HPS4: variants seen among roughly 807,000 people sequenced by gnomAD.
HPS4 encodes the protein HPS4 biogenesis of lysosomal organelles complex 3 subunit 2.
Under a neutral mutation model 70.3 loss-of-function variants are expected in HPS4, and 44 were observed. That is an observed-to-expected ratio of 0.63 (90% CI 0.49 to 0.80). The LOEUF is 0.80. Ranked by LOEUF, HPS4 falls within the 30% of genes least tolerant of loss-of-function variation. The pLI is 0.00. For missense variants in HPS4, 873 were observed against 884.4 expected (o/e 0.99, Z 0.16); for synonymous variants, 377 against 355.9 (o/e 1.06, Z -0.67).
In HPS4 at chr22:26,464,373, G is replaced by A; in HGVS notation, c.1257C>T (p.Asp419=). The part of the protein sequence containing the change: ...SSSLEPTPPE[D]TAISSLRPPS... ...GAGGGCGCAAGCTGCTGATGGCTGT[G>A]TCCTCAGGAGGCGTGGGTTCCAGGC... Residue 419 remains aspartate, a synonymous_variant, in exon 11 of 14, where the codon GAC becomes GAT. Coordinates refer to ENST00000398145, the MANE Select transcript of HPS4 (RefSeq NM_022081.6). 1 of 1,614,228 alleles carries A rather than the reference G, an allele frequency of 6.2e-7. No homozygotes were observed. The highest frequency in any genetic ancestry group is 2.2e-5 in the East Asian group (1 of 44,884).
In HPS4 at chr22:26,463,936, C is replaced by G; in HGVS notation, c.1694G>C (p.Ser565Thr). 6.2e-7 allele frequency: 1 copy of G among 1,613,640 alleles called. No homozygotes were observed. The highest frequency in any genetic ancestry group is 8.5e-7 in the Non-Finnish European group (1 of 1,180,032). ...ACTCACCACTTCCTCTATGGCTGCG[C>G]TGTCTCCCAGCAGCGGCTCCTCAGC... The part of the protein sequence containing the change: ...LLAEEPLLGD[S>T]AAIEEVYHSS... Residue 565 changes from serine to threonine, a missense_variant, in exon 11 of 14, where the codon AGC becomes ACC. Ser to Thr is a moderately conservative substitution (Grantham distance 58). Transcript: ENST00000398145.
chr22:26,448,059 C>T (rs1042628608), downstream of HPS4, among the ~76,000 whole-genome samples: 9 of 152,194 alleles, frequency 5.9e-5, no homozygotes, highest in East Asian at 1.9e-4. Context: ...AGCTGCAGGG[C>T]GAGCTGGAAT....
intron 1 of HPS4, chr22:26,482,851 C>T (rs1334957341): frequency 6.6e-6 from 1 of 152,204 alleles, no homozygotes; most frequent in East Asian, 1.9e-4. Flanking sequence ...ATCTGCCTCC[C>T]ACTCGCTAGT....
At chr22:26,444,262 A>T (rs2084888643) in exon 4 of HPS4, 3 of 151,918 alleles carry the variant, frequency 2.0e-5, no homozygotes, top group Non-Finnish European at 2.9e-5. Context: ...CTGTACATAA[A>T]TGTTCAAACA....
downstream of HPS4, chr22:26,443,521 G>T: frequency 4.8e-6 from 1 of 206,872 alleles, no homozygotes; most frequent in Non-Finnish European, 9.5e-6. Flanking sequence ...TTGTAAGTCT[G>T]TCTTCTGTTG....
downstream of HPS4, among the ~76,000 whole-genome samples, chr22:26,448,657 C>T (rs1420417419): frequency 6.6e-6 from 1 of 152,196 alleles, no homozygotes; most frequent in Admixed American, 6.5e-5. Context: ...CACCTCCCAG[C>T]TCTTGACAGG....
At chr22:26,454,407 T>G (rs1260776483) in intron 13 of HPS4, among the ~76,000 whole-genome samples, 1 of 152,242 alleles carries the variant, frequency 6.6e-6, no homozygotes, top group African/African-American at 2.4e-5. Flanking sequence ...TTTTCATCTG[T>G]ACAGTGTTTG....
At chr22:26,448,112 A>C (rs897288732), downstream of HPS4, among the ~76,000 whole-genome samples, 1 of 152,164 alleles carries the variant, frequency 6.6e-6, no homozygotes, top group African/African-American at 2.4e-5. Context: ...GCATCTTCTG[A>C]AGTCTGGACA....
downstream of HPS4, among the ~76,000 whole-genome samples, chr22:26,449,702 C>T (rs560133970): frequency 7.9e-5 from 12 of 152,180 alleles, no homozygotes; most frequent in South Asian, 2.1e-4. Context: ...GCTCTTCTCA[C>T]GCCCTCCGTG....
chr22:26,477,057 G>A lies in HPS4; in HGVS notation c.212C>T (p.Pro71Leu). ...TTTTCTCAGACGAACAAGAGTAGGA[G>A]GAGAGTCAGAAATGTCAGAAACACA... ...VRCVSDISDS[P>L]PTLVRLRKLK... The change falls in exon 4 of 14, where the codon CCT becomes CTT. Residue 71 changes from proline (P) to leucine (L), a missense_variant. Transcript: ENST00000398145. The A allele has an allele frequency of 5.0e-6, 8 of 1,614,108 alleles. No individual in the cohort carries two copies. The highest frequency in any genetic ancestry group is 6.8e-6 in the Non-Finnish European group (8 of 1,179,976).
chr22:26,444,495 T>G (rs1284197271), exon 4 of HPS4: 1 of 152,260 alleles, frequency 6.6e-6, no homozygotes, highest in East Asian at 1.9e-4. Flanking sequence ...TTTGAGGCAC[T>G]CACTCTAGAA....
chr22:26,463,268 C>T (rs577371115), intron 11 of HPS4, among the ~76,000 whole-genome samples: 3 of 152,198 alleles, frequency 2.0e-5, no homozygotes, highest in Non-Finnish European at 4.4e-5. Context: ...GGATTTCAGA[C>T]ATCCCAGCCT....
chr22:26,462,579 A>G (rs936088301), intron 11 of HPS4, among the ~76,000 whole-genome samples: 3 of 152,260 alleles, frequency 2.0e-5, no homozygotes, highest in African/African-American at 7.2e-5. Context: ...TACATCTCAA[A>G]GAGCAGCCTG....
Position 26,452,142 on chromosome 22 carries a change from G to A in HPS4, c.*1091C>T. 3.0e-6 allele frequency: 1 copy of A among 336,618 alleles called. No individual in the cohort carries two copies. The highest frequency in any genetic ancestry group is 5.9e-6 in the Non-Finnish European group (1 of 170,614). The allele number at this position is 336,618 out of a possible 1,614,324, so 20.9% of individuals were successfully genotyped here. On this transcript the variant is annotated 3_prime_UTR_variant, in exon 14 of 14. Transcript: ENST00000398145. ...TTTTATTTCTAGCCCTTGGAAGCTT[G>A]TTTCAAGAAAAAGACACCATATCAT...
At chr22:26,483,019 A>G (rs1009412500) in intron 1 of HPS4, 1 of 152,262 alleles carries the variant, frequency 6.6e-6, no homozygotes, top group African/African-American at 2.4e-5. Flanking sequence ...CCATTCTGCA[A>G]TCTGTGGGTA....
intron 6 of HPS4, chr22:26,471,376 G>T: frequency 2.2e-6 from 1 of 456,238 alleles, no homozygotes; most frequent in South Asian, 1.5e-5. Context: ...TGGAGTCAGG[G>T]GCCTAGAAGT....
downstream of HPS4, among the ~76,000 whole-genome samples, chr22:26,449,743 G>A (rs1357926893): frequency 6.6e-6 from 1 of 152,202 alleles, no homozygotes; most frequent in South Asian, 2.1e-4. Flanking sequence ...GAGAGAGAGG[G>A]AACTGGGCAT....
rs1474610548 is a variant in HPS4, at chr22:26,453,044, C to G, written c.*189G>C. On this transcript the variant is annotated 3_prime_UTR_variant, in exon 14 of 14. Transcript: ENST00000398145. ...TATCAAGTGCTCTGGGTCTGCCGAC[C>G]TGAAGAACTAACCCCTGCCCCCAAA... 2 of 637,610 alleles carry G rather than the reference C, an allele frequency of 3.1e-6. No individual in the cohort carries two copies. The highest frequency in any genetic ancestry group is 2.7e-5 in the East Asian group (1 of 36,660). The allele number at this position is 637,610 out of a possible 1,614,324, so 39.5% of individuals were successfully genotyped here. A position where few individuals can be genotyped will look rare whatever the true frequency, so the allele number is the denominator to read the frequency against.
chr22:26,445,501 A>G (rs996619394), intron 3 of HPS4, among the ~76,000 whole-genome samples: 1 of 152,204 alleles, frequency 6.6e-6, no homozygotes, highest in African/African-American at 2.4e-5. Flanking sequence ...CACATCTAGG[A>G]TATGTTAAGG....
Sources: allele counts gnomAD v4.1 joint callset (sites outside exome capture counted in the v4.1 genomes callset), GRCh38; gene constraint gnomAD v4.1.1; transcripts MANE v1.5; gene names NCBI Gene and HGNC (gene_info 2026-07-23, HGNC 2026-07-21).